The following RBM4 variants were observed in gnomAD, a reference collection of about 807,000 sequenced individuals.
RBM4 encodes the protein RNA binding motif protein 4, also known as RNA-binding protein 4.
RBM4 carries 7 observed loss-of-function variants against 29.5 expected under a neutral mutation model. That is an observed-to-expected ratio of 0.24 (90% confidence interval 0.14 to 0.45). The LOEUF is 0.45. RBM4 is among the 20% of genes least tolerant of loss of function. The probability of loss-of-function intolerance (pLI) is 1.00; values close to 1 mark genes in which losing one functional copy is unlikely to be tolerated. For missense variants in RBM4, 387 were observed against 502.3 expected (o/e 0.77, Z 2.19); for synonymous variants, 220 against 205.4 (o/e 1.07, Z -0.61).
chr11:66,656,292 A>G (rs1218376815), intron 2 of RBM4, among the ~76,000 whole-genome samples: 1 of 152,018 alleles, frequency 6.6e-6, no homozygotes, highest in Non-Finnish European at 1.5e-5. Flanking sequence ...ACCTGCCACC[A>G]CGCCTGGCTA....
intron 2 of RBM4, chr11:66,665,706 A>G (rs1939203044): frequency 6.9e-7 from 1 of 1,446,982 alleles, no homozygotes; most frequent in Admixed American, 2.2e-5. Flanking sequence ...ACCAAGTCAG[A>G]CTGGATCTAA....
At chr11:66,648,076 C>G (rs149606125), downstream of RBM4, among the ~76,000 whole-genome samples, 4 of 151,992 alleles carry the variant, frequency 2.6e-5, no homozygotes, top group African/African-American at 4.8e-5. Context: ...TGTGGTGGCA[C>G]GCACCTGTAA....
chr11:66,641,634 G>A (rs569184282), intron 2 of RBM4, among the ~76,000 whole-genome samples: 3 of 152,234 alleles, frequency 2.0e-5, no homozygotes, highest in Non-Finnish European at 4.4e-5. Context: ...TCTTGATTCA[G>A]GACAAATTAT....
chr11:66,644,212 T>C, intron 3 of RBM4, 72 bp downstream of exon 3: 2 of 1,524,380 alleles, frequency 1.3e-6, no homozygotes, highest in Non-Finnish European at 1.8e-6. Context: ...CCAATTAGGC[T>C]GCCCTGCTTG....
At chr11:66,660,645 TAA>T (rs1939060458) in intron 2 of RBM4, among the ~76,000 whole-genome samples, 1 of 145,046 alleles carries the variant, frequency 6.9e-6, no homozygotes, top group Non-Finnish European at 1.5e-5. Context: ...GCACCCGACC[TAA>T]ACTTTTTTTT....
chr11:66,665,224 G>C, intron 2 of RBM4: 2 of 284,040 alleles, frequency 7.0e-6, no homozygotes, highest in South Asian at 9.0e-5. Context: ...CCACTACATG[G>C]TCATTTTAAA....
At position 66,643,207 on chromosome 11, in the gene RBM4, A is replaced by G. The variant is rs1453784324; in HGVS notation, c.413-243A>G. Reference sequence around the variant, plus strand: ...TTGGAGCAAGAGTAGTTTATTTCTTAAGCATTTAAACTGTTGTTATAGCTG... The same window carrying G: ...TTGGAGCAAGAGTAGTTTATTTCTTGAGCATTTAAACTGTTGTTATAGCTG... On this transcript the variant is annotated intron_variant, in intron 2 of 3. Transcript: ENST00000310092. The surrounding 1 kb of genome is among the most constrained non-coding windows in gnomAD (Gnocchi z 6.1). Among the ~76,000 whole-genome samples, 1 of 152,104 alleles carries G rather than the reference A, an allele frequency of 6.6e-6. No homozygotes were observed. Among genetic ancestry groups the G allele is most frequent in the Non-Finnish European group, 1.5e-5 (1 of 68,024 alleles).
rs898029946 is a variant in RBM4, at chr11:66,666,195, C to A, written c.*230C>A. On this transcript the variant is annotated 3_prime_UTR_variant, in exon 3 of 3. Transcript: ENST00000396053. ...CTTGCCAAATCAAAAGAAATCATTC[C>A]TAGAATTCTCTAATCCTTCTATTGA... 13 of 850,640 alleles carry A rather than the reference C, an allele frequency of 1.5e-5. No individual in the cohort carries two copies. In the African/African-American group the frequency reaches 2.1e-4, roughly 14 times the overall value. 52.7% of individuals were successfully genotyped at this position (850,640 alleles called of 1,614,324 possible).
chr11:66,651,627 C>T (rs1188996), intron 2 of RBM4, among the ~76,000 whole-genome samples: 1 of 152,164 alleles, frequency 6.6e-6, no homozygotes, highest in African/African-American at 2.4e-5. Context: ...GGATTACAGG[C>T]GTGAGCCACC....
chr11:66,653,362 AT>A (rs71045956), intron 2 of RBM4, among the ~76,000 whole-genome samples: 27 of 135,836 alleles, frequency 2.0e-4, no homozygotes, highest in Admixed American at 3.8e-4. Flanking sequence ...CTACTTAATG[AT>A]TTTTTTTTTT....
chr11:66,654,606 A>G (rs1938904055), intron 2 of RBM4, among the ~76,000 whole-genome samples: 1 of 151,462 alleles, frequency 6.6e-6, no homozygotes, highest in South Asian at 2.1e-4. Flanking sequence ...GGCTGAAGCT[A>G]TCCTCTCGCC....
At chr11:66,658,475 A>G (rs769910581) in intron 2 of RBM4, among the ~76,000 whole-genome samples, 3 of 150,988 alleles carry the variant, frequency 2.0e-5, no homozygotes, top group Non-Finnish European at 2.9e-5. Flanking sequence ...ACATCCTCCA[A>G]TGCACAGGAG....
intron 2 of RBM4, among the ~76,000 whole-genome samples, chr11:66,657,682 C>CAAAAA (rs763265823): frequency 3.6e-5 from 1 of 28,054 alleles, no homozygotes; most frequent in Non-Finnish European, 7.6e-5. Context: ...GATTCCATCT[C>CAAAAA]AAAAAAAAAA....
Position 66,639,825 on chromosome 11 carries a change from C to T in RBM4, c.114C>T (p.Gly38=), listed in dbSNP as rs773725169. 76 of 1,613,972 alleles carry T rather than the reference C, an allele frequency of 4.7e-5. No individual in the cohort carries two copies. The highest frequency in any genetic ancestry group is 5.9e-5 in the Non-Finnish European group (70 of 1,180,032). ...AATGTGACATCATTAAGAATTACGG[C>T]TTTGTGCACATAGAAGACAAGACGG... The part of the protein sequence containing the change: ...VLECDIIKNY[G]FVHIEDKTAA... The change falls in exon 2 of 4, where the codon GGC becomes GGT. Residue 38 remains glycine (G), a synonymous_variant. Transcript: ENST00000310092.
chr11:66,653,760 A>G (rs774363773), intron 2 of RBM4, among the ~76,000 whole-genome samples: 18 of 151,972 alleles, frequency 1.2e-4, no homozygotes, highest in Non-Finnish European at 2.2e-4. Context: ...ACAGCAGGCT[A>G]CTAAGTTTTG....
chr11:66,644,335 T>A (rs948230067), intron 3 of RBM4, 195 bp downstream of exon 3: 8 of 734,706 alleles, frequency 1.1e-5, no homozygotes, highest in Admixed American at 3.5e-5. Flanking sequence ...CTCATGGCTA[T>A]TTTTCAGGGC....
chr11:66,658,092 G>A (rs1277970833), intron 2 of RBM4, among the ~76,000 whole-genome samples: 1 of 151,336 alleles, frequency 6.6e-6, no homozygotes, highest in Non-Finnish European at 1.5e-5. Flanking sequence ...GCAACGGCAC[G>A]ATCTCGGCTC....
chr11:66,665,377 A>T, intron 2 of RBM4: 2 of 608,238 alleles, frequency 3.3e-6, no homozygotes, highest in South Asian at 3.9e-5. Flanking sequence ...AATATAAGGA[A>T]CAGAGTGAAA....
At chr11:66,662,318 G>T (rs1379668777) in intron 2 of RBM4, among the ~76,000 whole-genome samples, 1 of 152,158 alleles carries the variant, frequency 6.6e-6, no homozygotes, top group Non-Finnish European at 1.5e-5. Flanking sequence ...TGCCAGGAGT[G>T]TTATTGGGCA....
Sources: allele counts gnomAD v4.1 joint callset (sites outside exome capture counted in the v4.1 genomes callset), GRCh38; gene constraint gnomAD v4.1.1; non-coding constraint Gnocchi (gnomAD v3.1); transcripts MANE v1.5; gene names NCBI Gene and HGNC (gene_info 2026-07-23, HGNC 2026-07-21).